The following GDPD5 variants were observed in gnomAD, a reference collection of about 807,000 sequenced individuals.
GDPD5 encodes the protein glycerophosphodiester phosphodiesterase 2.
Under a neutral mutation model 75.1 loss-of-function variants are expected in GDPD5, and 48 were observed. The observed-to-expected ratio is 0.64, with a 90% CI of 0.51 to 0.81. The LOEUF (loss-of-function observed/expected upper bound fraction) is 0.81, where lower values mean the gene tolerates loss of function less well. Ranked by LOEUF, GDPD5 falls within the 40% of genes least tolerant of loss-of-function variation. The probability of loss-of-function intolerance (pLI) is 0.00; values close to 1 mark genes in which losing one functional copy is unlikely to be tolerated. For missense variants in GDPD5, 706 were observed against 822.6 expected (o/e 0.86, Z 1.73); for synonymous variants, 336 against 339.0 (o/e 0.99, Z 0.10).
rs201881925 is a variant in GDPD5, at chr11:75,435,521, G to C, written c.1804C>G (p.Arg602Gly). Reference sequence around the variant, plus strand: ...CATGTCTTCAGCTAACGCCCACTCCGCTCTATGAGGGTCTTGGTGTGGCTG... The same window carrying C: ...CATGTCTTCAGCTAACGCCCACTCCCCTCTATGAGGGTCTTGGTGTGGCTG... ...GGSHTKTLIE[R>G]SGR is the part of the protein sequence containing the mutation. The change falls in exon 17 of 17, where the codon CGG becomes GGG. Residue 602 changes from arginine (R) to glycine (G), a missense_variant. Physicochemically the swap from Arg to Gly is moderately radical, Grantham distance 125 (BLOSUM62 -2). Coordinates refer to ENST00000336898, the MANE Select transcript of GDPD5 (RefSeq NM_030792.8). 13 of 1,608,910 alleles carry C rather than the reference G, an allele frequency of 8.1e-6. No homozygotes were observed. The highest frequency in any genetic ancestry group is 1.1e-5 in the Non-Finnish European group (13 of 1,177,836).
rs184358441 is a variant in GDPD5 at position 75,519,337 on chromosome 11, G to A, written c.-145+5873C>T. Among the ~76,000 whole-genome samples the A allele has an allele frequency of 2.1e-3, 326 of 152,284 alleles. 1 individual carries two copies. Among genetic ancestry groups the A allele is most frequent in the Admixed American group, 3.5e-3 (54 of 15,300 alleles). ...CTGACTCCCCTCCCCACCCAGCGCC[G>A]GGCAACCCCAGGCCCCTGGCCTTCC... On this transcript the variant is annotated intron_variant, in intron 1 of 16. Coordinates refer to ENST00000336898, the MANE Select transcript of GDPD5 (RefSeq NM_030792.8).
chr11:75,443,292 G>C lies in GDPD5; in HGVS notation c.798-6C>G. ...GGAAGGGCACGCCGTCCAGGCTGCAGGGAGGGTGGGGCCACCGAGTCAGTG... is the reference window on the plus strand; with the variant it reads ...GGAAGGGCACGCCGTCCAGGCTGCACGGAGGGTGGGGCCACCGAGTCAGTG... On this transcript the variant is annotated splice_region_variant and splice_polypyrimidine_tract_variant and intron_variant, in intron 10 of 16. Transcript: ENST00000336898. The C allele has an allele frequency of 6.2e-7, 1 of 1,603,074 alleles. No individual in the cohort carries two copies. Among genetic ancestry groups the C allele is most frequent in the Non-Finnish European group, 8.5e-7 (1 of 1,176,504 alleles).
intron 2 of GDPD5, among the ~76,000 whole-genome samples, chr11:75,486,429 G>C (rs1950022951): frequency 6.6e-6 from 1 of 152,186 alleles, no homozygotes; most frequent in Non-Finnish European, 1.5e-5. Flanking sequence ...TCTTTGATAG[G>C]GATTAAGGTG....
At chr11:75,495,181 C>T (rs1288964425) in intron 1 of GDPD5, among the ~76,000 whole-genome samples, 4 of 151,810 alleles carry the variant, frequency 2.6e-5, no homozygotes, top group Non-Finnish European at 4.4e-5. Flanking sequence ...CCAGGAGAGT[C>T]GCTTGAACCC....
chr11:75,449,546 G>A lies in GDPD5; in HGVS notation c.539C>T (p.Ala180Val). ...AAVTMLSWIV[A>V]GQFARAERTS... ...CCGCTCTGCGCGGGCGAACTGTCCTGCCACGATCCAGGAGAGCATGGTGAC... is the reference window on the plus strand; with the variant it reads ...CCGCTCTGCGCGGGCGAACTGTCCTACCACGATCCAGGAGAGCATGGTGAC... Residue 180 changes from alanine to valine, a missense_variant, in exon 8 of 17, where the codon GCA becomes GTA. Ala to Val is a moderately conservative substitution (Grantham distance 64). Transcript: ENST00000336898. 1 of 1,586,506 alleles carries A rather than the reference G, an allele frequency of 6.3e-7. No homozygotes were observed. Among genetic ancestry groups the A allele is most frequent in the Non-Finnish European group, 8.6e-7 (1 of 1,166,770 alleles).
chr11:75,507,830 T>TAC (rs1950434040), intron 1 of GDPD5, among the ~76,000 whole-genome samples: 1 of 152,194 alleles, frequency 6.6e-6, no homozygotes, highest in African/African-American at 2.4e-5. Context: ...AATCAGGCTC[T>TAC]ACACACGCAT....
intron 9 of GDPD5, among the ~76,000 whole-genome samples, chr11:75,445,336 C>T (rs542827122): frequency 1.1e-3 from 166 of 152,288 alleles, no homozygotes; most frequent in South Asian, 7.7e-3. Flanking sequence ...CTTGACTCTG[C>T]CATTAACTAT....
Position 75,462,894 on chromosome 11 carries a change from A to C in GDPD5, c.118-5T>G. On this transcript the variant is annotated splice_region_variant and splice_polypyrimidine_tract_variant and intron_variant, in intron 3 of 16. Coordinates refer to ENST00000336898, the MANE Select transcript of GDPD5 (RefSeq NM_030792.8). ...CAGGAACCAGAGGCGCTCCCACTGG[A>C]AGAGCAGAGGAGGAGGGGATTAAGT... 1 of 1,612,208 alleles carries C rather than the reference A, an allele frequency of 6.2e-7. No individual in the cohort carries two copies. Among genetic ancestry groups the C allele is most frequent in the Non-Finnish European group, 8.5e-7 (1 of 1,178,894 alleles).
chr11:75,459,369 A>G (rs187826675), intron 4 of GDPD5, among the ~76,000 whole-genome samples: 1 of 143,882 alleles, frequency 7.0e-6, no homozygotes, highest in East Asian at 2.0e-4. Flanking sequence ...GGGTCTTGCT[A>G]TGTTGCCCAG....
intron 1 of GDPD5, among the ~76,000 whole-genome samples, chr11:75,511,344 A>G (rs183642919): frequency 1.8e-3 from 270 of 152,196 alleles, no homozygotes; most frequent in Non-Finnish European, 2.8e-3. Context: ...CATTCTCAAG[A>G]CGGTGTGTCC....
chr11:75,476,366 G>GA (rs1949778249), intron 3 of GDPD5, among the ~76,000 whole-genome samples: 6 of 151,498 alleles, frequency 4.0e-5, no homozygotes, highest in African/African-American at 1.5e-4. Flanking sequence ...CAACTTGAGA[G>GA]GGGTGTGTCT....
chr11:75,492,794 G>A (rs1950133334), intron 1 of GDPD5, among the ~76,000 whole-genome samples: 1 of 152,180 alleles, frequency 6.6e-6, no homozygotes, highest in Non-Finnish European at 1.5e-5. Flanking sequence ...ATGCAGTGGT[G>A]TAATCTTGGC....
intron 3 of GDPD5, among the ~76,000 whole-genome samples, chr11:75,465,297 G>C (rs952707703): frequency 3.3e-5 from 5 of 152,146 alleles, no homozygotes; most frequent in Non-Finnish European, 7.3e-5. Context: ...CACACAGCTG[G>C]AGCCTCCATC....
At chr11:75,515,432 C>A (rs1408992195) in intron 1 of GDPD5, among the ~76,000 whole-genome samples, 1 of 152,228 alleles carries the variant, frequency 6.6e-6, no homozygotes, top group East Asian at 1.9e-4. Context: ...CCAGACTCCC[C>A]ATCACAAGGC....
intron 3 of GDPD5, among the ~76,000 whole-genome samples, chr11:75,463,432 C>T (rs1949457115): frequency 6.6e-6 from 1 of 152,186 alleles, no homozygotes; most frequent in Non-Finnish European, 1.5e-5. Flanking sequence ...ACCCCTGTCT[C>T]CAGCCAGGTG....
chr11:75,511,726 C>A (rs1279998711), intron 1 of GDPD5, among the ~76,000 whole-genome samples: 2 of 152,158 alleles, frequency 1.3e-5, no homozygotes, highest in African/African-American at 2.4e-5. Flanking sequence ...GCCACCACCA[C>A]CAATAGCTCA....
rs1422241275 is a variant in GDPD5, at chr11:75,441,268, G to C, written c.1368C>G (p.Val456=). 1 of 1,614,170 alleles carries C rather than the reference G, an allele frequency of 6.2e-7. No individual in the cohort carries two copies. Among genetic ancestry groups the C allele is most frequent in the Admixed American group, 1.7e-5 (1 of 60,034 alleles). Residue 456 remains valine (V), a synonymous_variant, in exon 14 of 17, where the codon GTC becomes GTG. Coordinates refer to ENST00000336898, the MANE Select transcript of GDPD5 (RefSeq NM_030792.8). ...GCAGGGAGAAGAGCCACGGTGCGTTGACTGTGTAGAGGTTCACACTCAGGT... is the reference window on the plus strand; with the variant it reads ...GCAGGGAGAAGAGCCACGGTGCGTTCACTGTGTAGAGGTTCACACTCAGGT... ...SWNLSVNLYT[V]NAPWLFSLLW... is the part of the protein sequence containing the mutation.
chr11:75,481,558 G>GGACA (rs1949919956), intron 2 of GDPD5, among the ~76,000 whole-genome samples: 1 of 152,016 alleles, frequency 6.6e-6, no homozygotes, highest in Non-Finnish European at 1.5e-5. Flanking sequence ...GGCTCCCATG[G>GGACA]GGCTAGAGAG....
At chr11:75,449,370 C>T (rs1275601808) in intron 8 of GDPD5, 147 bp downstream of exon 8, 2 of 797,020 alleles carry the variant, frequency 2.5e-6, no homozygotes, top group African/African-American at 1.7e-5. Flanking sequence ...CTCTGTGGGC[C>T]ACTCTGAGCC....
Sources: allele counts gnomAD v4.1 joint callset (sites outside exome capture counted in the v4.1 genomes callset), GRCh38; gene constraint gnomAD v4.1.1; transcripts MANE v1.5; gene names NCBI Gene and HGNC (gene_info 2026-07-23, HGNC 2026-07-21).